Variants in PHKB observed in about 807,000 individuals in gnomAD.
PHKB encodes the protein phosphorylase b kinase regulatory subunit beta.
In PHKB, 122 loss-of-function variants were observed where a neutral mutation model predicts 152.1. The observed-to-expected ratio is 0.80, with a 90% CI of 0.69 to 0.93. PHKB has a LOEUF of 0.93. Ranked by LOEUF, PHKB falls within the 40% of genes least tolerant of loss-of-function variation. PHKB has a pLI of 0.00. For missense variants in PHKB, 1,304 were observed against 1,328.4 expected, an observed-to-expected ratio of 0.98 and a Z score of 0.29; for synonymous variants, 436 against 464.9, an observed-to-expected ratio of 0.94 and a Z score of 0.80.
intron 1 of PHKB, among the ~76,000 whole-genome samples, chr16:47,478,976 T>C (rs374383620): frequency 2.6e-5 from 4 of 152,120 alleles, no homozygotes; most frequent in African/African-American, 7.2e-5. Flanking sequence ...GGAGATCTTG[T>C]TTTTGGTGTT....
intron 20 of PHKB, among the ~76,000 whole-genome samples, chr16:47,656,088 C>G (rs1007413634): frequency 1.3e-5 from 2 of 151,866 alleles, no homozygotes; most frequent in Non-Finnish European, 2.9e-5. Flanking sequence ...GCGATCTTGG[C>G]TCACTGCAAC....
intron 7 of PHKB, among the ~76,000 whole-genome samples, chr16:47,552,322 C>G (rs569113285): frequency 6.6e-6 from 1 of 152,106 alleles, no homozygotes; most frequent in Admixed American, 6.6e-5. Context: ...TGGTCTTTAC[C>G]ATTTGGCATG....
In PHKB at chr16:47,480,785, A is replaced by G. The variant is rs1969950768; in HGVS notation, c.77-16614A>G. On this transcript the variant is annotated intron_variant, in intron 1 of 30. Coordinates refer to ENST00000323584, the MANE Select transcript of PHKB (RefSeq NM_000293.3). ...ATTTTAATAGACGTAATGTTCACCC[A>G]TAGTCACATTCTTTCAGTTTCGTAT... Among the ~76,000 whole-genome samples the G allele has an allele frequency of 3.3e-5, 5 of 152,322 alleles. No homozygotes were observed. In the South Asian group the frequency reaches 6.2e-4, roughly 19 times the overall value.
chr16:47,658,712 G>GTT (rs1973383476), intron 20 of PHKB, among the ~76,000 whole-genome samples: 1 of 151,944 alleles, frequency 6.6e-6, no homozygotes, highest in Non-Finnish European at 1.5e-5. Flanking sequence ...TGCCACCTAC[G>GTT]TTTGTGTAAG....
rs150959941 is a variant in PHKB at position 47,591,312 on chromosome 16, C to T, written c.1069-2188C>T. Among the ~76,000 whole-genome samples the T allele has an allele frequency of 4.2e-3, 632 of 152,178 alleles. 6 individuals are homozygous for T. Among genetic ancestry groups the T allele is most frequent in the African/African-American group, 0.014 (601 of 41,548 alleles). ...GAAAAGCATGGCCTCTACTTGGTGT[C>T]TCCTTGTTTACATCCCGCTTACTCT... On this transcript the variant is annotated intron_variant, in intron 10 of 30. Transcript: ENST00000323584.
intron 13 of PHKB, among the ~76,000 whole-genome samples, chr16:47,602,542 CTTTTTT>C (rs34655174): frequency 2.4e-5 from 3 of 122,678 alleles, no homozygotes; most frequent in Admixed American, 1.7e-4. Flanking sequence ...GCTTCTCTTC[CTTTTTT>C]TTTTTTTTTT....
chr16:47,514,812 T>G lies in PHKB; in HGVS notation c.514-709T>G, dbSNP rs192612800. ...CCATTCAGGATTCTGTGAGTATCCTTTTTTGTTAAAGTGATATTAGTATTT... is the reference window on the plus strand; with the variant it reads ...CCATTCAGGATTCTGTGAGTATCCTGTTTTGTTAAAGTGATATTAGTATTT... On this transcript the variant is annotated intron_variant, in intron 5 of 30. Coordinates refer to ENST00000323584, the MANE Select transcript of PHKB (RefSeq NM_000293.3). 2.3e-3 allele frequency among the ~76,000 whole-genome samples: 355 copies of G among 152,360 alleles called. 4 individuals are homozygous for G. Among genetic ancestry groups the G allele is most frequent in the Non-Finnish European group, 2.1e-3 (144 of 68,026 alleles).
intron 26 of PHKB, among the ~76,000 whole-genome samples, chr16:47,671,922 G>A (rs1476862678): frequency 6.6e-6 from 1 of 152,092 alleles, no homozygotes; most frequent in African/African-American, 2.4e-5. Flanking sequence ...TGTAAAAAAA[G>A]ATGCAGTGTA....
chr16:47,650,450 A>G (rs1973215331), intron 18 of PHKB, 94 bp from the exon 19 acceptor site: 2 of 775,772 alleles, frequency 2.6e-6, no homozygotes, highest in Non-Finnish European at 4.7e-6. Context: ...GTCTTGCTAC[A>G]TAAGAATTTT....
intron 28 of PHKB, among the ~76,000 whole-genome samples, chr16:47,695,307 G>A (rs1401502801): frequency 1.3e-5 from 2 of 152,122 alleles, no homozygotes; most frequent in Admixed American, 1.3e-4. Flanking sequence ...ACCAAGAAAG[G>A]GTCTTCCTTT....
chr16:47,643,890 ATTCTGCTCTATGTATTTCCGGGTAGT>A (rs928089341), intron 16 of PHKB, among the ~76,000 whole-genome samples: 9 of 152,164 alleles, frequency 5.9e-5, no homozygotes, highest in South Asian at 2.1e-4. Flanking sequence ...TGAATACAGA[ATTCTGCTCTATGTATTTCCGGGTAGT>A]TTCTGCTCTA....
At chr16:47,537,015 GAATA>G (rs748890993) in intron 6 of PHKB, among the ~76,000 whole-genome samples, 27 of 152,352 alleles carry the variant, frequency 1.8e-4, no homozygotes, top group Non-Finnish European at 3.2e-4. Context: ...GAGGATTGTG[GAATA>G]AATAGAGTTC....
At chr16:47,576,027 G>A (rs1971743278) in intron 7 of PHKB, among the ~76,000 whole-genome samples, 1 of 152,258 alleles carries the variant, frequency 6.6e-6, no homozygotes, top group Middle Eastern at 3.4e-3. Context: ...GGTGAGCCGA[G>A]ATCGCGCCAT....
intron 1 of PHKB, among the ~76,000 whole-genome samples, chr16:47,482,133 A>T (rs991091713): frequency 6.6e-6 from 1 of 152,224 alleles, no homozygotes; most frequent in Non-Finnish European, 1.5e-5. Flanking sequence ...CGATTATACT[A>T]TAGGTAGGTC....
intron 2 of PHKB, among the ~76,000 whole-genome samples, chr16:47,499,003 T>C (rs1207742126): frequency 1.3e-5 from 2 of 152,246 alleles, no homozygotes; most frequent in African/African-American, 2.4e-5. Flanking sequence ...AAAATAGTTT[T>C]TAGTAAATGT....
At position 47,684,443 on chromosome 16, in the gene PHKB, A is replaced by G. The variant is rs13332822; in HGVS notation, c.2631-4598A>G. 4.2e-3 allele frequency among the ~76,000 whole-genome samples: 641 copies of G among 152,268 alleles called. 6 individuals are homozygous for G. The highest frequency in any genetic ancestry group is 0.015 in the African/African-American group (611 of 41,562). ...ATATCGGAAAGAAACATGCCAATAC[A>G]CACACTGTATCCTTACTAGCCTCCA... is the stretch of plus-strand genomic sequence containing the variant. On this transcript the variant is annotated intron_variant, in intron 26 of 30. Transcript: ENST00000323584.
At chr16:47,623,549 C>A (rs1335111671) in intron 14 of PHKB, among the ~76,000 whole-genome samples, 2 of 140,250 alleles carry the variant, frequency 1.4e-5, no homozygotes, top group Admixed American at 7.1e-5. Flanking sequence ...CATATATTGA[C>A]AGTTTTGATT....
intron 6 of PHKB, among the ~76,000 whole-genome samples, chr16:47,541,039 C>T (rs1971048792): frequency 6.6e-6 from 1 of 151,918 alleles, no homozygotes; most frequent in African/African-American, 2.4e-5. Context: ...GGTACATGTG[C>T]ACAACATGCA....
intron 6 of PHKB, among the ~76,000 whole-genome samples, chr16:47,518,764 G>A (rs1258205689): frequency 6.6e-6 from 1 of 152,118 alleles, no homozygotes; most frequent in African/African-American, 2.4e-5. Context: ...CATCATATAT[G>A]TTAAACTTAG....
Sources: allele counts gnomAD v4.1 joint callset (sites outside exome capture counted in the v4.1 genomes callset), GRCh38; gene constraint gnomAD v4.1.1; transcripts MANE v1.5; gene names NCBI Gene and HGNC (gene_info 2026-07-23, HGNC 2026-07-21).